The following ATG4A variants were observed in gnomAD, a reference collection of about 807,000 sequenced individuals.
The protein encoded by ATG4A is cysteine protease ATG4A.
In ATG4A, 22 loss-of-function variants were observed where a neutral mutation model predicts 38.4. The observed-to-expected ratio is 0.57, with a 90% CI of 0.41 to 0.82. The LOEUF is 0.82. Ranked by LOEUF, ATG4A falls within the 40% of genes least tolerant of loss-of-function variation. The pLI, the probability that ATG4A is intolerant of heterozygous loss-of-function variation, is 0.00. For missense variants in ATG4A, 220 were observed against 290.0 expected (o/e 0.76, Z 1.75); for synonymous variants, 86 against 100.7 (o/e 0.85, Z 0.88).
At chrX:108,137,193 T>G (rs1323198454) in intron 7 of ATG4A, 23 bp downstream of exon 7, 1 of 1,147,996 alleles carries the variant, frequency 8.7e-7, no homozygotes, top group Non-Finnish European at 1.2e-6. Context: ...CCTGTTTAAC[T>G]TCCCAGCTGA....
Position 108,153,852 on chromosome X carries a change from A to G in ATG4A, c.*140A>G. On this transcript the variant is annotated 3_prime_UTR_variant, in exon 13 of 13. Coordinates refer to ENST00000372232, the MANE Select transcript of ATG4A (RefSeq NM_052936.5). ...CTCAATAGCAATCATGACTGAGCCA[A>G]TCACTGTTTCTCAGAAAAACAAAAC... 1 of 461,319 alleles carries G rather than the reference A, an allele frequency of 2.2e-6. No homozygotes were observed. The highest frequency in any genetic ancestry group is 3.8e-6 in the Non-Finnish European group (1 of 265,053). The allele number at this position is 461,319 out of a possible 1,213,427, so 38.0% of individuals were successfully genotyped here.
chrX:108,143,285 T>C (rs1412907967), intron 9 of ATG4A, among the ~76,000 whole-genome samples: 2 of 112,092 alleles, frequency 1.8e-5, no homozygotes, highest in Non-Finnish European at 3.8e-5. Context: ...TACCTACTTT[T>C]ACTACCTATT....
intron 1 of ATG4A, among the ~76,000 whole-genome samples, chrX:108,108,999 C>T (rs1569301792): frequency 1.8e-5 from 2 of 111,969 alleles, no homozygotes; most frequent in Admixed American, 9.4e-5. Context: ...TGAGACCTTG[C>T]TTTCAGTACT....
Position 108,122,137 on chromosome X carries a change from A to G in ATG4A, c.11-3940A>G, listed in dbSNP as rs951672761. On this transcript the variant is annotated intron_variant, in intron 1 of 12. Transcript: ENST00000372232. ...ACAAGCTCCACAGAATCTAAGATGA[A>G]TTGACTGAAATTCATGTCATGAGGT... Among the ~76,000 whole-genome samples the G allele has an allele frequency of 9.8e-5, 11 of 112,360 alleles. No homozygotes were observed. In the East Asian group the frequency reaches 3.1e-3, roughly 32 times the overall value.
intron 9 of ATG4A, among the ~76,000 whole-genome samples, chrX:108,145,731 A>G (rs1029873847): frequency 8.9e-6 from 1 of 112,029 alleles, no homozygotes; most frequent in African/African-American, 3.2e-5. Context: ...AATGGCTTCC[A>G]TTTGGCCTTT....
intron 7 of ATG4A, 120 bp downstream of exon 7, chrX:108,137,290 G>C: frequency 1.8e-6 from 1 of 540,951 alleles, no homozygotes; most frequent in South Asian, 3.7e-5. Flanking sequence ...GGGGAGCTTA[G>C]GGGAGCACAG....
At chrX:108,108,637 G>A (rs1193668822) in intron 1 of ATG4A, among the ~76,000 whole-genome samples, 3 of 110,151 alleles carry the variant, frequency 2.7e-5, no homozygotes, top group African/African-American at 3.3e-5. Flanking sequence ...AAATTTTACC[G>A]TCTTGATCGT....
At chrX:108,115,199 A>G (rs1048581165) in intron 1 of ATG4A, among the ~76,000 whole-genome samples, 2 of 109,433 alleles carry the variant, frequency 1.8e-5, no homozygotes, top group African/African-American at 6.7e-5. Context: ...CTTCTGTTAA[A>G]TAAGAGATTG....
At position 108,119,501 on chromosome X, in the gene ATG4A, C is replaced by A. The variant is rs1026146136; in HGVS notation, c.11-6576C>A. Among the ~76,000 whole-genome samples, 4 of 111,804 alleles carry A rather than the reference C, an allele frequency of 3.6e-5. No individual in the cohort carries two copies. The East Asian group carries it at 1.1e-3, about 31-fold the overall frequency. ...AACAATACTTCTTATCTGCAGTATACTGATCTTTTCTATTCTATTCAATTT... is the reference window on the plus strand; with the variant it reads ...AACAATACTTCTTATCTGCAGTATAATGATCTTTTCTATTCTATTCAATTT... On this transcript the variant is annotated intron_variant, in intron 1 of 12. Coordinates refer to ENST00000372232, the MANE Select transcript of ATG4A (RefSeq NM_052936.5).
At chrX:108,109,804 C>T (rs2032305059) in intron 1 of ATG4A, among the ~76,000 whole-genome samples, 1 of 111,680 alleles carries the variant, frequency 9.0e-6, no homozygotes, top group South Asian at 3.7e-4. Flanking sequence ...TATGTGTGAG[C>T]TTTCTATTCT....
rs1457171316 is a variant in ATG4A at position 108,126,650 on chromosome X, A to G, written c.121+463A>G. On this transcript the variant is annotated intron_variant, in intron 2 of 12. Coordinates refer to ENST00000372232, the MANE Select transcript of ATG4A (RefSeq NM_052936.5). ...CCATGGACCTCAGAAACAATATCAG[A>G]CCTAAGTTTTTCTTAAGTTTTAGAT... 1.4e-5 allele frequency: 9 copies of G among 644,525 alleles called. No individual in the cohort carries two copies. In the Admixed American group the frequency reaches 2.6e-4, roughly 19 times the overall value. The allele number at this position is 644,525 out of a possible 1,213,427, so 53.1% of individuals were successfully genotyped here. A position where few individuals can be genotyped will look rare whatever the true frequency, so the allele number is the denominator to read the frequency against.
At position 108,150,119 on chromosome X, in the gene ATG4A, C is replaced by T. The variant is rs763037769; in HGVS notation, c.815-33C>T. On this transcript the variant is annotated intron_variant, in intron 9 of 12. Transcript: ENST00000372232. ...CAGCAGTGGGCCAGGACCGGTAATC[C>T]TTTGAAGGTTAAGCATATCTCCTTC... 3 of 1,205,446 alleles carry T rather than the reference C, an allele frequency of 2.5e-6. No homozygotes were observed. In the Admixed American group the frequency reaches 6.5e-5, roughly 26 times the overall value.
At chrX:108,150,853 A>G (rs1363146644) in intron 10 of ATG4A, among the ~76,000 whole-genome samples, 1 of 112,375 alleles carries the variant, frequency 8.9e-6, no homozygotes. Context: ...AAACCGTATC[A>G]CTAACTACGC....
intron 1 of ATG4A, among the ~76,000 whole-genome samples, chrX:108,093,898 T>G (rs1258223454): frequency 3.6e-5 from 4 of 111,147 alleles, no homozygotes; most frequent in African/African-American, 9.8e-5. Flanking sequence ...CTTTTGTCTG[T>G]TTTTAAATTG....
intron 3 of ATG4A, among the ~76,000 whole-genome samples, chrX:108,130,082 A>G (rs1053118761): frequency 1.3e-4 from 14 of 110,638 alleles, no homozygotes; most frequent in Admixed American, 1.2e-3. Flanking sequence ...CATCTTTTCC[A>G]TACTAATCTG....
At position 108,091,843 on chromosome X, in the gene ATG4A, G is replaced by A. The variant is rs1326045321; in HGVS notation, c.10+7G>A. 2.5e-6 allele frequency: 3 copies of A among 1,209,708 alleles called. No individual in the cohort carries two copies. Among genetic ancestry groups the A allele is most frequent in the African/African-American group, 1.8e-5 (1 of 57,048 alleles). On this transcript the variant is annotated splice_region_variant and intron_variant, in intron 1 of 12. Coordinates refer to ENST00000372232, the MANE Select transcript of ATG4A (RefSeq NM_052936.5). ...AGCTGGAGAATGGAGTCAGGTACGG[G>A]GAGCGGCTTTGAGTGGAACCGTGTG... is the stretch of plus-strand genomic sequence containing the variant.
chrX:108,112,361 A>G (rs1003903611), intron 1 of ATG4A, among the ~76,000 whole-genome samples: 1 of 110,109 alleles, frequency 9.1e-6, no homozygotes, highest in Non-Finnish European at 1.9e-5. Context: ...ACCATCCTGA[A>G]TAGTATTTTC....
chrX:108,118,599 A>T (rs2032573676), intron 1 of ATG4A, among the ~76,000 whole-genome samples: 2 of 111,440 alleles, frequency 1.8e-5, no homozygotes, highest in South Asian at 7.6e-4. Flanking sequence ...GGCTGGCTTT[A>T]TACCTTCCAG....
At chrX:108,124,271 C>T (rs757564733) in intron 1 of ATG4A, among the ~76,000 whole-genome samples, 3 of 111,925 alleles carry the variant, frequency 2.7e-5, no homozygotes, top group African/African-American at 9.7e-5. Context: ...GATGAATTTT[C>T]ACTGGGGAAC....
Sources: gnomAD v4.1 joint callset for allele counts (sites outside exome capture counted in the v4.1 genomes callset) on GRCh38, gnomAD v4.1.1 for gene constraint, MANE v1.5 for transcripts, NCBI Gene and HGNC (gene_info 2026-07-23, HGNC 2026-07-21) for gene names.